NAALAD2: variants seen among roughly 807,000 people sequenced by gnomAD.
NAALAD2 encodes N-acetylated alpha-linked acidic dipeptidase 2.
Under a neutral mutation model 95.6 loss-of-function variants are expected in NAALAD2, and 89 were observed. The observed-to-expected ratio is 0.93, with a 90% CI of 0.78 to 1.11. The LOEUF (loss-of-function observed/expected upper bound fraction) is 1.11. NAALAD2 is among the 50% of genes least tolerant of loss of function. The pLI, the probability that NAALAD2 is intolerant of heterozygous loss-of-function variation, is 0.00. For synonymous variants in NAALAD2, 264 were observed against 294.4 expected, an observed-to-expected ratio of 0.90 and a Z score of 1.06; for missense variants, 894 against 872.4, an observed-to-expected ratio of 1.02 and a Z score of -0.31.
At chr11:90,134,944 C>G (rs1951417741) in intron 1 of NAALAD2, 104 bp downstream of exon 1, 1 of 1,281,888 alleles carries the variant, frequency 7.8e-7, no homozygotes, top group Non-Finnish European at 1.1e-6. Flanking sequence ...TGCGCTAGCC[C>G]TGGCCGGCTG....
intron 15 of NAALAD2, among the ~76,000 whole-genome samples, chr11:90,177,427 G>A: frequency 6.6e-6 from 1 of 151,172 alleles, no homozygotes; most frequent in African/African-American, 2.4e-5. Context: ...AAATGTTCAA[G>A]GTGTAGCATC....
chr11:90,175,282 A>G (rs1483790311), intron 14 of NAALAD2, among the ~76,000 whole-genome samples: 2 of 152,348 alleles, frequency 1.3e-5, no homozygotes, highest in South Asian at 2.1e-4. Context: ...GATTTCTAAA[A>G]CATTGAAGAG....
intron 3 of NAALAD2, among the ~76,000 whole-genome samples, chr11:90,148,723 CA>C (rs56771080): frequency 0.45 from 68,561 of 151,506 alleles, 16,547 homozygotes; most frequent in African/African-American, 0.62. Context: ...AAGGCATAGT[CA>C]AAAAAAAGAG....
At chr11:90,175,577 AC>A (rs1952765722) in intron 14 of NAALAD2, among the ~76,000 whole-genome samples, 1 of 152,020 alleles carries the variant, frequency 6.6e-6, no homozygotes, top group Non-Finnish European at 1.5e-5. Context: ...CAGTTTTCTT[AC>A]TAGATGATAG....
intron 11 of NAALAD2, among the ~76,000 whole-genome samples, chr11:90,166,305 G>C (rs1019686115): frequency 6.6e-6 from 1 of 152,140 alleles, no homozygotes; most frequent in African/African-American, 2.4e-5. Context: ...GTGTGTGTGT[G>C]TTTGTGTATG....
intron 18 of NAALAD2, 77 bp downstream of exon 18, chr11:90,183,085 A>AACT: frequency 9.9e-7 from 1 of 1,013,328 alleles, no homozygotes; most frequent in Non-Finnish European, 1.6e-6. Context: ...AACTAATGCC[A>AACT]TTAGATGGGT....
chr11:90,163,196 T>G, intron 9 of NAALAD2, 114 bp from the exon 10 acceptor site: 1 of 1,272,726 alleles, frequency 7.9e-7, no homozygotes, highest in Non-Finnish European at 1.1e-6. Flanking sequence ...TACTTTATAG[T>G]GTTGTCTTCT....
intron 2 of NAALAD2, among the ~76,000 whole-genome samples, chr11:90,144,754 A>AAAAAAAAAG (rs1951709761): frequency 1.3e-5 from 2 of 151,016 alleles, no homozygotes; most frequent in South Asian, 4.2e-4. Context: ...AAAAAAAAAA[A>AAAAAAAAAG]ACGGAAAAGA....
chr11:90,175,348 TATTAATGA>T (rs1429197932), intron 14 of NAALAD2, among the ~76,000 whole-genome samples: 1 of 152,226 alleles, frequency 6.6e-6, no homozygotes, highest in Admixed American at 6.5e-5. Flanking sequence ...ACAGTTATGT[TATTAATGA>T]ACATGCAATT....
At chr11:90,180,954 A>C (rs983690006) in intron 16 of NAALAD2, among the ~76,000 whole-genome samples, 2 of 152,052 alleles carry the variant, frequency 1.3e-5, no homozygotes, top group Admixed American at 6.6e-5. Context: ...AGTATAGGGG[A>C]GGATGTGTGT....
chr11:90,154,080 T>C (rs973089257), intron 6 of NAALAD2, among the ~76,000 whole-genome samples: 3 of 151,808 alleles, frequency 2.0e-5, no homozygotes, highest in Non-Finnish European at 4.4e-5. Context: ...TCTTTCTTTC[T>C]CTCTTTCTTC....
At chr11:90,158,847 T>A (rs1418662495) in intron 7 of NAALAD2, 1 of 207,768 alleles carries the variant, frequency 4.8e-6, no homozygotes, top group African/African-American at 2.4e-5. Flanking sequence ...TTTGGGTGCC[T>A]ACTGTGTAAT....
intron 6 of NAALAD2, among the ~76,000 whole-genome samples, chr11:90,155,336 TTA>T (rs370235454): frequency 2.5e-4 from 29 of 116,446 alleles, no homozygotes; most frequent in Admixed American, 7.5e-4. Context: ...TAATGTATAA[TTA>T]TATATATTAT....
At chr11:90,175,177 T>G (rs1952752548) in intron 14 of NAALAD2, among the ~76,000 whole-genome samples, 1 of 152,182 alleles carries the variant, frequency 6.6e-6, no homozygotes, top group African/African-American at 2.4e-5. Context: ...TATAGCTTTA[T>G]TCCTCATTTC....
chr11:90,172,483 A>G (rs1369687823), intron 13 of NAALAD2, among the ~76,000 whole-genome samples: 1 of 152,196 alleles, frequency 6.6e-6, no homozygotes, highest in Non-Finnish European at 1.5e-5. Flanking sequence ...GGTGAGATTG[A>G]AACAGGGAAA....
chr11:90,155,883 G>A (rs1952102034), intron 6 of NAALAD2, among the ~76,000 whole-genome samples: 1 of 138,728 alleles, frequency 7.2e-6, no homozygotes, highest in African/African-American at 2.7e-5. Context: ...TAATGTATAT[G>A]TAATATATAT....
intron 13 of NAALAD2, among the ~76,000 whole-genome samples, chr11:90,173,443 C>A (rs902907522): frequency 6.6e-6 from 1 of 152,080 alleles, no homozygotes; most frequent in Non-Finnish European, 1.5e-5. Context: ...TTTACAAAAG[C>A]AAATGTTTTA....
Position 90,165,315 on chromosome 11 carries a change from T to C in NAALAD2, c.1278+1698T>C, listed in dbSNP as rs373670673. Among the ~76,000 whole-genome samples, 190 of 152,322 alleles carry C rather than the reference T, an allele frequency of 1.2e-3. 2 individuals carry two copies. Among genetic ancestry groups the C allele is most frequent in the African/African-American group, 3.9e-3 (164 of 41,570 alleles). On this transcript the variant is annotated intron_variant, in intron 11 of 18. Coordinates refer to ENST00000534061, the MANE Select transcript of NAALAD2 (RefSeq NM_005467.4). ...TGTGTCTTTATAATAGAATGATATA[T>C]TTCTTTGGTTATATACCCAGTAATG...
intron 2 of NAALAD2, among the ~76,000 whole-genome samples, chr11:90,143,853 C>A (rs986525453): frequency 6.6e-6 from 1 of 152,168 alleles, no homozygotes; most frequent in East Asian, 1.9e-4. Flanking sequence ...ATAACCTCAC[C>A]ATAAGTTGAG....
Sources: allele counts gnomAD v4.1 joint callset (sites outside exome capture counted in the v4.1 genomes callset), GRCh38; gene constraint gnomAD v4.1.1; transcripts MANE v1.5; gene names NCBI Gene and HGNC (gene_info 2026-07-23, HGNC 2026-07-21).